The following LYSMD2 variants were observed in gnomAD, a reference collection of about 807,000 sequenced individuals.
LYSMD2 encodes LysM domain containing 2.
Under a neutral mutation model 17.7 loss-of-function variants are expected in LYSMD2, and 6 were observed. The observed-to-expected ratio is 0.34, with a 90% CI of 0.19 to 0.67. The LOEUF (loss-of-function observed/expected upper bound fraction) is 0.67. Ranked by LOEUF, LYSMD2 falls within the 30% of genes least tolerant of loss-of-function variation. The pLI is 0.69. For synonymous variants in LYSMD2, 102 were observed against 129.8 expected (o/e 0.79, Z 1.45); for missense variants, 237 against 286.7 (o/e 0.83, Z 1.25).
intron 1 of LYSMD2, among the ~76,000 whole-genome samples, chr15:51,730,787 AG>A (rs1434731982): frequency 6.6e-6 from 1 of 152,232 alleles, no homozygotes; most frequent in Non-Finnish European, 1.5e-5. Context: ...TGTGGCTTGC[AG>A]AATGTTCTCA....
chr15:51,748,787 C>T (rs994854503), intron 1 of LYSMD2, among the ~76,000 whole-genome samples: 2 of 152,152 alleles, frequency 1.3e-5, no homozygotes, highest in African/African-American at 4.8e-5. Context: ...GTGTACCTCT[C>T]AGAGGCTAAT....
chr15:51,730,904 A>G (rs2055572309), intron 1 of LYSMD2, among the ~76,000 whole-genome samples: 1 of 152,218 alleles, frequency 6.6e-6, no homozygotes, highest in African/African-American at 2.4e-5. Context: ...GTTACATTCT[A>G]GATGTTGATG....
At chr15:51,733,799 G>T (rs1234335081) in intron 1 of LYSMD2, among the ~76,000 whole-genome samples, 3 of 152,138 alleles carry the variant, frequency 2.0e-5, no homozygotes, top group Admixed American at 1.3e-4. Context: ...CCTGTATCCA[G>T]CTATTAGAGA....
intron 1 of LYSMD2, among the ~76,000 whole-genome samples, chr15:51,732,187 C>T (rs558058190): frequency 1.3e-5 from 2 of 152,318 alleles, no homozygotes; most frequent in African/African-American, 4.8e-5. Flanking sequence ...TTCAAGTCTT[C>T]AGCAGGCCAC....
At chr15:51,724,668 A>G (rs1044863459) in intron 2 of LYSMD2, 122 bp downstream of exon 2, 1 of 582,480 alleles carries the variant, frequency 1.7e-6, no homozygotes, top group African/African-American at 1.9e-5. Flanking sequence ...AAAAGAAAAA[A>G]AATCAGAAAG....
rs1567228189 is a variant in LYSMD2 at position 51,731,123 on chromosome 15, G to A, written c.274-6002C>T. Among the ~76,000 whole-genome samples, 5 of 152,124 alleles carry A rather than the reference G, an allele frequency of 3.3e-5. No homozygotes were observed. In the South Asian group the frequency reaches 6.2e-4, roughly 19 times the overall value. On this transcript the variant is annotated intron_variant, in intron 1 of 2. Coordinates refer to ENST00000267838, the MANE Select transcript of LYSMD2 (RefSeq NM_153374.3). ...AATGGATGGGCATGGGGATCTTTTC[G>A]GGGTGATGAAACTGTTCTACCACTG... is the stretch of plus-strand genomic sequence containing the variant.
At chr15:51,745,163 T>C (rs1259884263) in intron 1 of LYSMD2, among the ~76,000 whole-genome samples, 2 of 152,156 alleles carry the variant, frequency 1.3e-5, no homozygotes, top group Non-Finnish European at 2.9e-5. Flanking sequence ...GATAGCTTCA[T>C]TGGTGATTTA....
upstream of LYSMD2, chr15:51,737,805 G>A: frequency 2.6e-6 from 1 of 379,884 alleles, no homozygotes; most frequent in Non-Finnish European, 4.4e-6. The surrounding 1 kb of genome is among the most constrained non-coding windows in gnomAD (Gnocchi z 4.2). Flanking sequence ...CCTCCTCTGC[G>A]TCCTGCCTGC....
At chr15:51,730,297 C>T (rs1373391367) in intron 1 of LYSMD2, among the ~76,000 whole-genome samples, 1 of 152,156 alleles carries the variant, frequency 6.6e-6, no homozygotes, top group Non-Finnish European at 1.5e-5. Context: ...TGCTTGAGCC[C>T]AAGAGTTTGA....
intron 1 of LYSMD2, among the ~76,000 whole-genome samples, chr15:51,744,113 T>C (rs1246905385): frequency 2.0e-5 from 3 of 152,144 alleles, no homozygotes; most frequent in African/African-American, 7.2e-5. Context: ...TTCTTCCTTC[T>C]CAATCCGTAT....
At chr15:51,742,795 T>TA (rs907592014) in intron 1 of LYSMD2, among the ~76,000 whole-genome samples, 1 of 151,758 alleles carries the variant, frequency 6.6e-6, no homozygotes, top group East Asian at 1.9e-4. Context: ...TTTTGGTCTC[T>TA]AAAAAAAATA....
chr15:51,726,406 A>C (rs761486299), intron 1 of LYSMD2, among the ~76,000 whole-genome samples: 8 of 152,184 alleles, frequency 5.3e-5, no homozygotes, highest in Non-Finnish European at 7.3e-5. Context: ...CAGCTGCTCT[A>C]TCTCTCTTAG....
chr15:51,750,130 A>C (rs1239677850), intron 1 of LYSMD2, among the ~76,000 whole-genome samples: 1 of 152,214 alleles, frequency 6.6e-6, no homozygotes, highest in Non-Finnish European at 1.5e-5. Flanking sequence ...CAGTGGAAGG[A>C]GAGAAGACAG....
rs368824699 is a variant in LYSMD2 at position 51,746,911 on chromosome 15, G to A, written c.-1+4360C>T. ...AATAACACCTTAGTCCAGGCATGGT[G>A]GCTCATGCCCGTAATCCCAACACTT... On this transcript the variant is annotated intron_variant, in intron 1 of 2. Coordinates refer to the LYSMD2 transcript ENST00000454181. 8.6e-5 allele frequency among the ~76,000 whole-genome samples: 13 copies of A among 151,712 alleles called. No individual in the cohort carries two copies. In the East Asian group the frequency reaches 2.5e-3, roughly 29 times the overall value.
At position 51,737,584 on chromosome 15, in the gene LYSMD2, G is replaced by A; in HGVS notation, c.39C>T (p.Gly13=). Residue 13 remains glycine (G), a synonymous_variant, in exon 1 of 3, where the codon GGC becomes GGT. Coordinates refer to ENST00000267838, the MANE Select transcript of LYSMD2 (RefSeq NM_153374.3). This position sits in a 1 kb window ranked among gnomAD's most constrained non-coding sequence, Gnocchi z 4.2. ...DSSPALSLRE[G]GPRAPRPSAP... is the part of the protein sequence containing the mutation. The stretch of plus-strand genomic sequence containing the variant: ...CCGAGGGCCGCGGCGCGCGGGGGCC[G>A]CCTTCCCGCAGGGACAGTGCGGGCG... 3 of 1,217,842 alleles carry A rather than the reference G, an allele frequency of 2.5e-6. No individual in the cohort carries two copies. The highest frequency in any genetic ancestry group is 3.4e-5 in the East Asian group (1 of 29,680). The allele number at this position is 1,217,842 out of a possible 1,614,324, so 75.4% of individuals were successfully genotyped here. A position where few individuals can be genotyped will look rare whatever the true frequency, so the allele number is the denominator to read the frequency against.
At chr15:51,736,913 C>G (rs2055612879) in intron 1 of LYSMD2, among the ~76,000 whole-genome samples, 1 of 152,232 alleles carries the variant, frequency 6.6e-6, no homozygotes, top group Admixed American at 6.5e-5. Flanking sequence ...CATCACGGAG[C>G]TTGTTTTCAC....
intron 1 of LYSMD2, among the ~76,000 whole-genome samples, chr15:51,744,119 C>T (rs968506186): frequency 5.3e-5 from 8 of 151,992 alleles, no homozygotes; most frequent in Non-Finnish European, 1.0e-4. Flanking sequence ...CTTCTCAATC[C>T]GTATATCCCT....
At position 51,737,225 on chromosome 15, in the gene LYSMD2, C is replaced by A; in HGVS notation, c.273+125G>T. The A allele has an allele frequency of 1.5e-6, 1 of 687,994 alleles. No homozygotes were observed. The highest frequency in any genetic ancestry group is 2.0e-6 in the Non-Finnish European group (1 of 500,282). The allele number at this position is 687,994 out of a possible 1,614,324, so 42.6% of individuals were successfully genotyped here. ...GAGCCGCCCGGGGACGCACGGCCGT[C>A]CCTGCGACTCCCCATCCCCCAAACC... On this transcript the variant is annotated intron_variant, in intron 1 of 2. Coordinates refer to ENST00000267838, the MANE Select transcript of LYSMD2 (RefSeq NM_153374.3). The surrounding 1 kb of genome is among the most constrained non-coding windows in gnomAD (Gnocchi z 4.2).
At chr15:51,735,017 A>G (rs1158152377) in intron 1 of LYSMD2, among the ~76,000 whole-genome samples, 2 of 152,094 alleles carry the variant, frequency 1.3e-5, no homozygotes, top group Admixed American at 1.3e-4. Context: ...TCTACAAAAA[A>G]TACAAAAATT....
Sources: gnomAD v4.1 joint callset for allele counts (sites outside exome capture counted in the v4.1 genomes callset) on GRCh38, gnomAD v4.1.1 for gene constraint, Gnocchi (gnomAD v3.1) non-coding constraint, MANE v1.5 for transcripts, NCBI Gene and HGNC (gene_info 2026-07-23, HGNC 2026-07-21) for gene names.